SLAIN1: variants seen among roughly 807,000 people sequenced by gnomAD.
SLAIN1 encodes the protein SLAIN family member 1.
Under a neutral mutation model 55.4 loss-of-function variants are expected in SLAIN1, and 17 were observed. That is an observed-to-expected ratio of 0.31 (90% CI 0.21 to 0.46). The LOEUF (loss-of-function observed/expected upper bound fraction) is 0.46, where lower values mean the gene tolerates loss of function less well. Among genes scored for constraint, SLAIN1 ranks in the 20% least tolerant of loss-of-function variants. SLAIN1 has a pLI of 1.00. For synonymous variants in SLAIN1, 348 were observed against 337.4 expected (o/e 1.03, Z -0.35); for missense variants, 682 against 785.1 (o/e 0.87, Z 1.57).
Position 77,697,750 on chromosome 13 carries a change from G to A in SLAIN1, c.-164G>A, listed in dbSNP as rs1253255424. The A allele has an allele frequency of 7.2e-6, 4 of 553,578 alleles. No homozygotes were observed. Among genetic ancestry groups the A allele is most frequent in the Non-Finnish European group, 1.0e-5 (4 of 397,506 alleles). 34.3% of individuals were successfully genotyped at this position (553,578 alleles called of 1,614,324 possible). On this transcript the variant is annotated 5_prime_UTR_variant, in exon 1 of 7. Transcript: ENST00000418532. ...TCGGTGGTGGCTGCCGCGGCCGGAG[G>A]CGAGGGCCCGGTGCTGATGCGAACC...
At chr13:77,742,737 A>G (rs1258912023) in intron 2 of SLAIN1, 1 of 152,648 alleles carries the variant, frequency 6.6e-6, no homozygotes, top group Non-Finnish European at 1.5e-5. Flanking sequence ...TCTAACGTAG[A>G]AACTCAAAAT....
chr13:77,697,966 G>A lies in SLAIN1; in HGVS notation c.53G>A (p.Gly18Asp). The A allele has an allele frequency of 6.9e-7, 1 of 1,448,540 alleles. No homozygotes were observed. The highest frequency in any genetic ancestry group is 2.3e-5 in the Admixed American group (1 of 42,600). 89.7% of individuals were successfully genotyped at this position (1,448,540 alleles called of 1,614,324 possible). A position where few individuals can be genotyped will look rare whatever the true frequency, so the allele number is the denominator to read the frequency against. The stretch of plus-strand genomic sequence containing the variant: ...TCGGCAGGGGTCAGCTCTGGAGCGG[G>A]CTCCGGGCCGGTGGTGAACGCGGAG... ...CASAGVSSGA[G>D]SGPVVNAELE... is the part of the protein sequence containing the mutation. Residue 18 changes from glycine (G) to aspartate (D), a missense_variant, in exon 1 of 7, where the codon GGC becomes GAC. Gly to Asp is a moderately conservative substitution (Grantham distance 94, BLOSUM62 -1). This residue lies in a region of SLAIN1 where 401 missense variants were observed against 417.3 expected (regional missense o/e 0.96). Coordinates refer to ENST00000418532, the MANE Select transcript of SLAIN1 (RefSeq NM_001242868.2).
rs2090992449 is a variant in SLAIN1, at chr13:77,698,141, G to GA, written c.228_229insA (p.Pro77ThrfsTer36). On this transcript the variant is annotated frameshift_variant, in exon 1 of 7. Transcript: ENST00000418532. LOFTEE classifies it high-confidence loss of function. This position sits in a 1 kb window ranked among gnomAD's most constrained non-coding sequence, Gnocchi z 4.1. The stretch of plus-strand genomic sequence containing the variant: ...CCGCGCCGCCCCCCGCTGGCCTGCA[G>GA]CCTTTGGGTCCTCGGAGCCCCCCGG... The GA allele has an allele frequency of 8.7e-7, 1 of 1,149,900 alleles. No homozygotes were observed. The allele number at this position is 1,149,900 out of a possible 1,614,324, so 71.2% of individuals were successfully genotyped here. A position where few individuals can be genotyped will look rare whatever the true frequency, so the allele number is the denominator to read the frequency against.
In SLAIN1 at chr13:77,763,264, G is replaced by T; in HGVS notation, c.*44G>T. The T allele has an allele frequency of 6.6e-7, 1 of 1,520,202 alleles. No individual in the cohort carries two copies. Among genetic ancestry groups the T allele is most frequent in the Non-Finnish European group, 9.1e-7 (1 of 1,095,674 alleles). 94.2% of individuals were successfully genotyped at this position (1,520,202 alleles called of 1,614,324 possible). A position where few individuals can be genotyped will look rare whatever the true frequency, so the allele number is the denominator to read the frequency against. On this transcript the variant is annotated 3_prime_UTR_variant, in exon 7 of 7. Coordinates refer to ENST00000418532, the MANE Select transcript of SLAIN1 (RefSeq NM_001242868.2). ...TGAAAAATGGGAAAGAAGTAAAAAT[G>T]AGGGTTGTGTTACCTAGCTGGCTGG...
At chr13:77,712,843 T>C (rs1451562462) in intron 1 of SLAIN1, among the ~76,000 whole-genome samples, 1 of 152,188 alleles carries the variant, frequency 6.6e-6, no homozygotes, top group Non-Finnish European at 1.5e-5. Flanking sequence ...AACAGCATGG[T>C]ACTGGTACCA....
intron 2 of SLAIN1, among the ~76,000 whole-genome samples, chr13:77,737,294 C>T (rs1434018627): frequency 6.6e-6 from 1 of 151,990 alleles, no homozygotes; most frequent in Non-Finnish European, 1.5e-5. Flanking sequence ...TTGTTCAGGA[C>T]CTCATGATGT....
At position 77,735,366 on chromosome 13, in the gene SLAIN1, G is replaced by A. The variant is rs140175128; in HGVS notation, c.767-8917G>A. ...TGTTATGGAAAACTGTAGTGAAGAA[G>A]TATCCTGTCAGCCATCACTGCTGTG... is the stretch of plus-strand genomic sequence containing the variant. On this transcript the variant is annotated intron_variant, in intron 2 of 6. Transcript: ENST00000418532. 1.1e-4 allele frequency among the ~76,000 whole-genome samples: 17 copies of A among 152,180 alleles called. No individual in the cohort carries two copies. The East Asian group carries it at 3.3e-3, about 30-fold the overall frequency.
chr13:77,763,498 A>G lies in SLAIN1; in HGVS notation c.*278A>G, dbSNP rs903541355. The G allele has an allele frequency of 1.1e-5, 4 of 376,984 alleles. No individual in the cohort carries two copies. The highest frequency in any genetic ancestry group is 8.2e-5 in the African/African-American group (4 of 48,832). The allele number at this position is 376,984 out of a possible 1,614,324, so 23.4% of individuals were successfully genotyped here. A position where few individuals can be genotyped will look rare whatever the true frequency, so the allele number is the denominator to read the frequency against. ...CTGCTCTGTACCTGAATACTTTTTG[A>G]GAGAATTAAGATGTATCAATAATGC... is the stretch of plus-strand genomic sequence containing the variant. On this transcript the variant is annotated 3_prime_UTR_variant, in exon 7 of 7. Transcript: ENST00000418532.
chr13:77,747,036 C>T (rs1003035875), intron 4 of SLAIN1, among the ~76,000 whole-genome samples, 181 bp downstream of exon 4: 3 of 152,176 alleles, frequency 2.0e-5, no homozygotes, highest in African/African-American at 7.2e-5. Context: ...AAACGATTCT[C>T]CTGCCTCAGC....
Position 77,734,312 on chromosome 13 carries a change from C to T in SLAIN1, c.767-9971C>T, listed in dbSNP as rs374894892. Among the ~76,000 whole-genome samples the T allele has an allele frequency of 1.4e-4, 21 of 152,070 alleles. No individual in the cohort carries two copies. In the East Asian group the frequency reaches 1.5e-3, roughly 11 times the overall value. ...TTACCTTCACTGATCTTAGGCCATT[C>T]GGTAACTGGTATTTATAAAGGACTA... On this transcript the variant is annotated intron_variant, in intron 2 of 6. Transcript: ENST00000418532.
At chr13:77,751,486 T>TG (rs1874207671) in intron 4 of SLAIN1, among the ~76,000 whole-genome samples, 1 of 152,236 alleles carries the variant, frequency 6.6e-6, no homozygotes, top group Non-Finnish European at 1.5e-5. Flanking sequence ...CCTAATACAC[T>TG]GTGGTATCCC....
At chr13:77,733,615 C>T (rs1872977065) in intron 2 of SLAIN1, among the ~76,000 whole-genome samples, 1 of 152,140 alleles carries the variant, frequency 6.6e-6, no homozygotes, top group South Asian at 2.1e-4. Flanking sequence ...GACTAACTTA[C>T]TTTGATTGAA....
intron 5 of SLAIN1, among the ~76,000 whole-genome samples, chr13:77,755,011 C>T (rs1874496289): frequency 6.6e-6 from 1 of 152,132 alleles, no homozygotes; most frequent in Non-Finnish European, 1.5e-5. Flanking sequence ...AGAGGACTAA[C>T]AACTCATTTT....
At chr13:77,753,975 G>A (rs1044930527) in intron 5 of SLAIN1, among the ~76,000 whole-genome samples, 5 of 152,192 alleles carry the variant, frequency 3.3e-5, no homozygotes, top group African/African-American at 1.2e-4. Flanking sequence ...ATTAGGCCTA[G>A]TGCTGTGTAT....
In SLAIN1 at chr13:77,698,107, C is replaced by A; in HGVS notation, c.194C>A (p.Pro65Gln). The A allele has an allele frequency of 9.4e-7, 1 of 1,060,860 alleles. No individual in the cohort carries two copies. The highest frequency in any genetic ancestry group is 5.8e-5 in the East Asian group (1 of 17,170). 65.7% of individuals were successfully genotyped at this position (1,060,860 alleles called of 1,614,324 possible). A position where few individuals can be genotyped will look rare whatever the true frequency, so the allele number is the denominator to read the frequency against. ...AAPHLLLLPP[P>Q]PPAAPPPAGL... ...CCGCACCTGCTGCTGCTGCCGCCGCCGCCGCCCGCCGCGCCGCCCCCCGCT... is the reference window on the plus strand; with the variant it reads ...CCGCACCTGCTGCTGCTGCCGCCGCAGCCGCCCGCCGCGCCGCCCCCCGCT... The change falls in exon 1 of 7, where the codon CCG becomes CAG. Residue 65 changes from proline (P) to glutamine (Q), a missense_variant. Around this residue, in one of 3 missense-constraint regions of SLAIN1, gnomAD observed 401 missense variants for 417.3 expected, o/e 0.96. Transcript: ENST00000418532. The surrounding 1 kb of genome is among the most constrained non-coding windows in gnomAD (Gnocchi z 4.1).
At chr13:77,701,242 A>G (rs1038966944) in intron 1 of SLAIN1, among the ~76,000 whole-genome samples, 37 of 57,798 alleles carry the variant, frequency 6.4e-4, no homozygotes, top group African/African-American at 4.8e-3. Context: ...CTTCCTGCTA[A>G]AAATGTCATA....
In SLAIN1 at chr13:77,744,439, G is replaced by A. The variant is rs1232113540; in HGVS notation, c.916+7G>A. On this transcript the variant is annotated splice_region_variant and intron_variant, in intron 3 of 6. Coordinates refer to ENST00000418532, the MANE Select transcript of SLAIN1 (RefSeq NM_001242868.2). Reference sequence around the variant, plus strand: ...GCTCGTCTGCAAGAAGAAAGTATGTGTTCTTTCTAAACTAGCAAAATGAGG... The same window carrying A: ...GCTCGTCTGCAAGAAGAAAGTATGTATTCTTTCTAAACTAGCAAAATGAGG... The A allele has an allele frequency of 1.9e-6, 3 of 1,609,730 alleles. No homozygotes were observed. Among genetic ancestry groups the A allele is most frequent in the East Asian group, 2.2e-5 (1 of 44,828 alleles).
intron 1 of SLAIN1, among the ~76,000 whole-genome samples, chr13:77,706,229 A>G (rs887935497): frequency 6.6e-6 from 1 of 152,002 alleles, no homozygotes. Flanking sequence ...CTTGACTACC[A>G]TATCTCTTTT....
intron 1 of SLAIN1, among the ~76,000 whole-genome samples, chr13:77,708,119 G>A (rs1028681723): frequency 3.3e-5 from 5 of 152,222 alleles, no homozygotes; most frequent in African/African-American, 7.2e-5. Flanking sequence ...ATGGCATAGT[G>A]GGTCACTTAG....
Sources: gnomAD v4.1 joint callset for allele counts (sites outside exome capture counted in the v4.1 genomes callset) on GRCh38, gnomAD v4.1.1 for gene constraint, gnomAD v4.1.1 regional missense constraint, Gnocchi (gnomAD v3.1) non-coding constraint, MANE v1.5 for transcripts, NCBI Gene and HGNC (gene_info 2026-07-23, HGNC 2026-07-21) for gene names.